The following GPC3 variants were observed in gnomAD, a reference collection of about 807,000 sequenced individuals.
The protein encoded by GPC3 is glypican 3.
A neutral mutation model predicts 34.4 loss-of-function variants in GPC3; 3 were observed. That is an observed-to-expected ratio of 0.09 (90% CI 0.04 to 0.23). GPC3 has a LOEUF of 0.23. Ranked by LOEUF, GPC3 falls within the 10% of genes least tolerant of loss-of-function variation. GPC3 has a pLI of 1.00. For synonymous variants in GPC3, 177 were observed against 174.0 expected, an observed-to-expected ratio of 1.02 and a Z score of -0.13; for missense variants, 351 against 445.6, an observed-to-expected ratio of 0.79 and a Z score of 1.91.
chrX:133,619,677 G>A (rs1184217497), intron 6 of GPC3, among the ~76,000 whole-genome samples: 2 of 111,165 alleles, frequency 1.8e-5, no homozygotes, highest in Non-Finnish European at 3.8e-5. Context: ...GGGGTCAGGG[G>A]TAAGGGGCAT....
At chrX:133,622,375 A>C in intron 6 of GPC3, among the ~76,000 whole-genome samples, 1 of 112,171 alleles carries the variant, frequency 8.9e-6, no homozygotes, top group East Asian at 2.8e-4. Context: ...CTAAAGGAGG[A>C]TATTCAAGCC....
intron 4 of GPC3, among the ~76,000 whole-genome samples, chrX:133,692,985 G>T (rs2071078746): frequency 8.9e-6 from 1 of 111,856 alleles, no homozygotes; most frequent in Non-Finnish European, 1.9e-5. Context: ...TAAGCTCTAT[G>T]AAATTCTCCT....
Position 133,645,875 on chromosome X carries a change from G to A in GPC3, c.1413+15855C>T, listed in dbSNP as rs186191765. Among the ~76,000 whole-genome samples the A allele has an allele frequency of 2.7e-5, 3 of 110,603 alleles. No homozygotes were observed. In the East Asian group the frequency reaches 8.5e-4, roughly 31 times the overall value. On this transcript the variant is annotated intron_variant, in intron 6 of 7. Coordinates refer to ENST00000370818, the MANE Select transcript of GPC3 (RefSeq NM_004484.4). Reference sequence around the variant, plus strand: ...GAAGAAAAAAAAGTGAGGAATTGTGGGGAGAGAAGTACCTCTCCCTCAGAG... The same window carrying A: ...GAAGAAAAAAAAGTGAGGAATTGTGAGGAGAGAAGTACCTCTCCCTCAGAG...
intron 3 of GPC3, among the ~76,000 whole-genome samples, chrX:133,718,317 G>GA (rs2071333596): frequency 1.8e-5 from 2 of 111,027 alleles, no homozygotes. Context: ...AAGCTTTACA[G>GA]AAAAAAAGGG....
chrX:133,592,506 A>G (rs941389769), intron 7 of GPC3, among the ~76,000 whole-genome samples: 4 of 110,114 alleles, frequency 3.6e-5, no homozygotes, highest in Admixed American at 2.9e-4. Context: ...TAAGTGTCCA[A>G]TGAACATTAG....
At chrX:133,946,401 C>T (rs1384546065) in intron 2 of GPC3, among the ~76,000 whole-genome samples, 2 of 111,576 alleles carry the variant, frequency 1.8e-5, no homozygotes, top group African/African-American at 6.5e-5. Flanking sequence ...ATGAAAGTAC[C>T]CACCTCCTAG....
chrX:133,629,388 T>TTTTGTTTG lies in GPC3; in HGVS notation c.1413+32334_1413+32341dup, dbSNP rs376115590. Among the ~76,000 whole-genome samples the TTTTGTTTG allele has an allele frequency of 1.8e-3, 199 of 110,535 alleles. 1 individual carries two copies. Among genetic ancestry groups the TTTTGTTTG allele is most frequent in the African/African-American group, 6.4e-3 (191 of 29,951 alleles). On this transcript the variant is annotated intron_variant, in intron 6 of 7. Coordinates refer to ENST00000370818, the MANE Select transcript of GPC3 (RefSeq NM_004484.4). Reference sequence around the variant, plus strand: ...CCAGCTCTGACAGTCTATGATTCTTTTTTGTTTGTTTGTTTGTTTGTTTTT... The same window carrying TTTTGTTTG: ...CCAGCTCTGACAGTCTATGATTCTTTTTTGTTTGTTTGTTTGTTTGTTTGTTTGTTTTT...
chrX:133,905,073 T>C (rs2076162325), intron 2 of GPC3, among the ~76,000 whole-genome samples: 1 of 111,838 alleles, frequency 8.9e-6, no homozygotes, highest in Admixed American at 9.5e-5. Flanking sequence ...GCACCAACAG[T>C]TTACATGTTT....
chrX:133,889,662 T>C, intron 2 of GPC3, among the ~76,000 whole-genome samples: 1 of 108,985 alleles, frequency 9.2e-6, no homozygotes, highest in East Asian at 2.9e-4. Flanking sequence ...ACATATATAC[T>C]AAACAATGTC....
intron 6 of GPC3, among the ~76,000 whole-genome samples, chrX:133,645,424 G>A (rs1054800189): frequency 2.7e-5 from 3 of 111,656 alleles, no homozygotes; most frequent in South Asian, 3.8e-4. Context: ...CCCAGATTGC[G>A]TGGGCCTGAA....
At chrX:133,639,800 A>G (rs2070464445) in intron 6 of GPC3, among the ~76,000 whole-genome samples, 1 of 111,919 alleles carries the variant, frequency 8.9e-6, no homozygotes, top group Non-Finnish European at 1.9e-5. Flanking sequence ...TTTCTAACAT[A>G]GAAAGTTACT....
chrX:133,587,576 G>A (rs1402473194), intron 7 of GPC3, among the ~76,000 whole-genome samples: 1 of 112,110 alleles, frequency 8.9e-6, no homozygotes, highest in African/African-American at 3.2e-5. Context: ...GTGTATAAGA[G>A]TAGCACATTT....
In GPC3 at chrX:133,621,365, C is replaced by T. The variant is rs772208615; in HGVS notation, c.1414-24766G>A. On this transcript the variant is annotated intron_variant, in intron 6 of 7. Coordinates refer to ENST00000370818, the MANE Select transcript of GPC3 (RefSeq NM_004484.4). ...AAGCAGGGCAGGGCATCACCTCACC[C>T]GGGAAGTGCAAGGGGTTGGGGAATT... 1.8e-3 allele frequency among the ~76,000 whole-genome samples: 200 copies of T among 111,724 alleles called. 1 individual carries two copies. Among genetic ancestry groups the T allele is most frequent in the Non-Finnish European group, 3.3e-3 (173 of 53,075 alleles).
intron 2 of GPC3, among the ~76,000 whole-genome samples, chrX:133,903,804 T>A (rs1298138572): frequency 9.0e-6 from 1 of 111,050 alleles, no homozygotes; most frequent in African/African-American, 3.3e-5. Flanking sequence ...TCAGTCTTCC[T>A]CTCCCTTACT....
intron 2 of GPC3, among the ~76,000 whole-genome samples, chrX:133,771,121 C>T (rs892646388): frequency 7.1e-5 from 8 of 112,014 alleles, no homozygotes; most frequent in South Asian, 3.8e-4. Context: ...TCAAAGGAAA[C>T]AGCACCTGAA....
chrX:133,704,071 A>G lies in GPC3; in HGVS notation c.1033-4043T>C, dbSNP rs188073049. 1,241 of 314,022 alleles carry G rather than the reference A, an allele frequency of 4.0e-3. 16 individuals carry two copies. Among genetic ancestry groups the G allele is most frequent in the African/African-American group, 0.03 (1,105 of 37,044 alleles). The allele number at this position is 314,022 out of a possible 1,213,427, so 25.9% of individuals were successfully genotyped here. A position where few individuals can be genotyped will look rare whatever the true frequency, so the allele number is the denominator to read the frequency against. ...GGGCTGCATGCAGCCTGCAAGCTGC[A>G]GGTTGGACAAGCTTGGTCTAGATCA... On this transcript the variant is annotated intron_variant, in intron 3 of 7. Transcript: ENST00000370818.
intron 3 of GPC3, among the ~76,000 whole-genome samples, chrX:133,730,626 G>A (rs138039229): frequency 0.014 from 1,588 of 111,549 alleles, 28 homozygotes; most frequent in African/African-American, 0.049. Context: ...GCTCATAATA[G>A]TCTGTGCATT....
intron 2 of GPC3, among the ~76,000 whole-genome samples, chrX:133,816,689 T>A (rs1283742776): frequency 1.8e-5 from 2 of 110,342 alleles, no homozygotes; most frequent in East Asian, 2.8e-4. Context: ...ACAAAAAAAA[T>A]GGAAAAGTAG....
chrX:133,892,651 C>T (rs1325364320), intron 2 of GPC3, among the ~76,000 whole-genome samples: 1 of 109,833 alleles, frequency 9.1e-6, no homozygotes, highest in Admixed American at 9.8e-5. Flanking sequence ...CCTATGGTGA[C>T]ACCCTCAAGT....
Sources: gnomAD v4.1 joint callset for allele counts (sites outside exome capture counted in the v4.1 genomes callset) on GRCh38, gnomAD v4.1.1 for gene constraint, MANE v1.5 for transcripts, NCBI Gene and HGNC (gene_info 2026-07-23, HGNC 2026-07-21) for gene names.